The following ESRRG variants were observed in gnomAD, a reference collection of about 807,000 sequenced individuals.
ESRRG encodes estrogen-related receptor gamma.
In ESRRG, 13 loss-of-function variants were observed where a neutral mutation model predicts 44.0. That is an observed-to-expected ratio of 0.30 (90% CI 0.19 to 0.47). The LOEUF is 0.47. Ranked by LOEUF, ESRRG falls within the 20% of genes least tolerant of loss-of-function variation. The pLI is 1.00. For synonymous variants in ESRRG, 215 were observed against 214.6 expected, an observed-to-expected ratio of 1.00 and a Z score of -0.02; for missense variants, 395 against 580.6, an observed-to-expected ratio of 0.68 and a Z score of 3.29.
intron 2 of ESRRG, among the ~76,000 whole-genome samples, chr1:216,855,432 G>T (rs1259877588): frequency 6.6e-6 from 1 of 152,020 alleles, no homozygotes; most frequent in African/African-American, 2.4e-5. Context: ...AAATATCTGT[G>T]GGTATATTAT....
At chr1:217,051,131 A>G (rs1318040734) in intron 1 of ESRRG, among the ~76,000 whole-genome samples, 1 of 145,368 alleles carries the variant, frequency 6.9e-6, no homozygotes, top group Admixed American at 7.3e-5. Context: ...AGTACTGGCC[A>G]GAAGGCTGAA....
At chr1:217,031,405 G>A (rs139408283) in intron 1 of ESRRG, among the ~76,000 whole-genome samples, 1 of 152,328 alleles carries the variant, frequency 6.6e-6, no homozygotes, top group African/African-American at 2.4e-5. Context: ...GAAAGAGAAG[G>A]AAAGGAGAGT....
rs564535152 is a variant in ESRRG at position 216,871,874 on chromosome 1, A to G, written c.-14+67708T>C. On this transcript the variant is annotated intron_variant, in intron 2 of 7. Coordinates refer to the ESRRG transcript ENST00000359162. ...CAAGAGGAAAAGAATTGTCTATTATAGGTACCCCAATACTTACTATTTCTT... is the reference window on the plus strand; with the variant it reads ...CAAGAGGAAAAGAATTGTCTATTATGGGTACCCCAATACTTACTATTTCTT... 1.5e-3 allele frequency among the ~76,000 whole-genome samples: 233 copies of G among 152,214 alleles called. 1 individual carries two copies. The highest frequency in any genetic ancestry group is 2.8e-3 in the Non-Finnish European group (187 of 67,930).
chr1:217,054,640 C>T (rs1158260164), intron 1 of ESRRG, among the ~76,000 whole-genome samples: 1 of 152,106 alleles, frequency 6.6e-6, no homozygotes, highest in African/African-American at 2.4e-5. Flanking sequence ...ACAACTGTGT[C>T]TATTTAGGTT....
intron 1 of ESRRG, among the ~76,000 whole-genome samples, chr1:217,002,596 C>G (rs995495279): frequency 6.6e-6 from 1 of 152,068 alleles, no homozygotes; most frequent in African/African-American, 2.4e-5. Context: ...TAAATCACAG[C>G]TGGCCAGTAT....
intron 1 of ESRRG, among the ~76,000 whole-genome samples, chr1:216,684,495 T>C (rs1575266411): frequency 1.3e-5 from 2 of 152,328 alleles, no homozygotes; most frequent in South Asian, 2.1e-4. Flanking sequence ...ATAAAACTGT[T>C]AAATGCATAA....
chr1:217,004,321 G>A (rs1218393069), intron 1 of ESRRG, among the ~76,000 whole-genome samples: 1 of 152,108 alleles, frequency 6.6e-6, no homozygotes, highest in Non-Finnish European at 1.5e-5. Flanking sequence ...GCCAGGTGGA[G>A]ATAATTGAAT....
intron 5 of ESRRG, 65 bp from the exon 6 acceptor site, chr1:216,519,486 T>A (rs1346988999): frequency 3.4e-6 from 5 of 1,459,786 alleles, no homozygotes; most frequent in Non-Finnish European, 4.6e-6. Context: ...AACATTAGTT[T>A]CATATGGTAG....
intron 1 of ESRRG, among the ~76,000 whole-genome samples, chr1:217,102,293 T>C (rs1282911847): frequency 1.3e-5 from 2 of 152,250 alleles, no homozygotes; most frequent in African/African-American, 4.8e-5. Flanking sequence ...GTGTGGGATC[T>C]GGGAGTCAAT....
chr1:216,726,657 G>T (rs541629958), upstream of ESRRG, among the ~76,000 whole-genome samples: 1 of 151,984 alleles, frequency 6.6e-6, no homozygotes, highest in Non-Finnish European at 1.5e-5. Flanking sequence ...CAAACAAAAG[G>T]ATCTCTCATG....
intron 2 of ESRRG, among the ~76,000 whole-genome samples, chr1:216,846,415 T>G (rs1054808153): frequency 3.9e-5 from 6 of 152,144 alleles, no homozygotes; most frequent in Non-Finnish European, 8.8e-5. Flanking sequence ...GAGGTCCGGA[T>G]AGTCAGTATT....
chr1:216,566,784 T>C (rs1328758226), intron 4 of ESRRG, among the ~76,000 whole-genome samples: 4 of 152,192 alleles, frequency 2.6e-5, no homozygotes, highest in Non-Finnish European at 4.4e-5. Flanking sequence ...GAGGAGAAGA[T>C]GCCAGATTGG....
chr1:216,601,729 T>C (rs2059286294), intron 3 of ESRRG, among the ~76,000 whole-genome samples: 1 of 152,158 alleles, frequency 6.6e-6, no homozygotes, highest in Non-Finnish European at 1.5e-5. Flanking sequence ...CAGATGTTAC[T>C]TAAGATTTAG....
intron 1 of ESRRG, among the ~76,000 whole-genome samples, chr1:217,112,567 G>A (rs555597115): frequency 4.4e-4 from 67 of 152,314 alleles, no homozygotes; most frequent in African/African-American, 1.6e-3. Context: ...TGTTGAAAGT[G>A]CTTTTTGTAG....
chr1:216,634,833 A>T (rs1375538002), intron 3 of ESRRG, among the ~76,000 whole-genome samples: 1 of 152,238 alleles, frequency 6.6e-6, no homozygotes, highest in African/African-American at 2.4e-5. Flanking sequence ...CCTGATCAGT[A>T]TTCTGGCAGT....
At chr1:217,124,966 T>A (rs2092869664) in intron 1 of ESRRG, among the ~76,000 whole-genome samples, 1 of 152,126 alleles carries the variant, frequency 6.6e-6, no homozygotes, top group South Asian at 2.1e-4. Context: ...TGAAGGATGC[T>A]AAAACAACCC....
At chr1:216,847,188 T>C (rs1407165324) in intron 2 of ESRRG, among the ~76,000 whole-genome samples, 1 of 152,132 alleles carries the variant, frequency 6.6e-6, no homozygotes, top group Non-Finnish European at 1.5e-5. Flanking sequence ...CAATTTGTGC[T>C]ACTAGGGCTC....
chr1:217,035,319 CA>C (rs397709457), intron 1 of ESRRG, among the ~76,000 whole-genome samples: 897 of 75,140 alleles, frequency 0.012, 1 homozygote, highest in African/African-American at 0.014. Context: ...GACTCTGTCT[CA>C]AAAAAAAAAA....
chr1:216,775,571 T>A (rs1576412664), intron 2 of ESRRG, among the ~76,000 whole-genome samples: 1 of 64,482 alleles, frequency 1.6e-5, no homozygotes, highest in Non-Finnish European at 2.7e-5. Flanking sequence ...TTTTTTTTTT[T>A]TTTTTTTTTT....
Sources: allele counts gnomAD v4.1 joint callset (sites outside exome capture counted in the v4.1 genomes callset), GRCh38; gene constraint gnomAD v4.1.1; transcripts MANE v1.5; gene names NCBI Gene and HGNC (gene_info 2026-07-23, HGNC 2026-07-21).